The following TIA1 variants were observed in gnomAD, a reference collection of about 807,000 sequenced individuals.
TIA1 encodes the protein cytotoxic granule associated RNA binding protein TIA1.
A neutral mutation model predicts 65.9 loss-of-function variants in TIA1; 23 were observed. The ratio of observed to expected loss-of-function variants is 0.35; its 90% CI spans 0.25 to 0.49. TIA1 has a LOEUF of 0.49. Among genes scored for constraint, TIA1 ranks in the 20% least tolerant of loss-of-function variants. The probability of loss-of-function intolerance (pLI) is 0.98; values close to 1 mark genes in which losing one functional copy is unlikely to be tolerated. For synonymous variants in TIA1, 147 were observed against 149.4 expected, an observed-to-expected ratio of 0.98 and a Z score of 0.12; for missense variants, 371 against 477.9, an observed-to-expected ratio of 0.78 and a Z score of 2.09.
In TIA1 at chr2:70,248,409, T is replaced by A; in HGVS notation, c.22A>T (p.Thr8Ser). The change falls in exon 1 of 13, where the codon ACT (threonine) becomes TCT (serine). Residue 8 changes from threonine (T) to serine (S), a missense_variant. Physicochemically the swap from Thr to Ser is moderately conservative, Grantham distance 58 (BLOSUM62 1). Transcript: ENST00000433529. MEDEMPK[T>S]LYVGNLSRDV... is the part of the protein sequence containing the mutation. ...TCATCGCTGCCCCAGACTCACAGAG[T>A]CTTGGGCATCTCGTCCTCCATGGCT... 1 of 1,600,022 alleles carries A rather than the reference T, an allele frequency of 6.2e-7. No homozygotes were observed. The highest frequency in any genetic ancestry group is 1.3e-5 in the African/African-American group (1 of 74,876).
chr2:70,221,775 G>A (rs1681489394), intron 7 of TIA1, among the ~76,000 whole-genome samples: 1 of 150,670 alleles, frequency 6.6e-6, no homozygotes, highest in South Asian at 2.1e-4. Flanking sequence ...AGAAACCACT[G>A]AATTGTATAC....
At chr2:70,233,144 AT>A (rs11441220) in intron 2 of TIA1, among the ~76,000 whole-genome samples, 3 of 151,686 alleles carry the variant, frequency 2.0e-5, no homozygotes, top group East Asian at 1.9e-4. Flanking sequence ...CAGTTAATTA[AT>A]TTTTTTTTAG....
chr2:70,215,111 A>G (rs973304556), intron 11 of TIA1: 2 of 395,606 alleles, frequency 5.1e-6, no homozygotes, highest in Admixed American at 4.4e-5. Context: ...AAGTATTAAA[A>G]AAAGATGTAA....
At position 70,212,842 on chromosome 2, in the gene TIA1, C is replaced by T. The variant is rs1676848601; in HGVS notation, c.1038G>A (p.Gln346=). 2 of 1,612,004 alleles carry T rather than the reference C, an allele frequency of 1.2e-6. No homozygotes were observed. Among genetic ancestry groups the T allele is most frequent in the South Asian group, 2.2e-5 (2 of 91,014 alleles). The change falls in exon 13 of 13, where the codon CAG becomes CAA. Residue 346 remains glutamine (Q), a synonymous_variant. Transcript: ENST00000433529. The part of the protein sequence containing the change: ...GQAWNQQGFN[Q]TQSSAPWMGP... Reference sequence around the variant, plus strand: ...CCATCCATGGTGCAGAAGACTGTGTCTGACTGGTGGAGAATGTGAAAGAAG... The same window carrying T: ...CCATCCATGGTGCAGAAGACTGTGTTTGACTGGTGGAGAATGTGAAAGAAG...
At position 70,209,835 on chromosome 2, in the gene TIA1, A is replaced by G. The variant is rs1676044486; in HGVS notation, c.*2884T>C. ...AACTGTAACCTCAGGACCACTGTAC[A>G]GCACTTAGTAAACCTGTCTTTGTAC... On this transcript the variant is annotated 3_prime_UTR_variant, in exon 13 of 13. Coordinates refer to ENST00000433529, the MANE Select transcript of TIA1 (RefSeq NM_022173.4). The G allele has an allele frequency of 2.5e-6, 1 of 397,384 alleles. No individual in the cohort carries two copies. The highest frequency in any genetic ancestry group is 4.4e-6 in the Non-Finnish European group (1 of 225,766). The allele number at this position is 397,384 out of a possible 1,614,324, so 24.6% of individuals were successfully genotyped here.
intron 1 of TIA1, among the ~76,000 whole-genome samples, chr2:70,241,348 A>C (rs1691617011): frequency 6.6e-6 from 1 of 151,360 alleles, no homozygotes; most frequent in Admixed American, 6.6e-5. Flanking sequence ...AGGCCGAGGC[A>C]GGAGAATCGC....
chr2:70,222,554 C>A (rs1305384501), intron 7 of TIA1, among the ~76,000 whole-genome samples: 1 of 152,092 alleles, frequency 6.6e-6, no homozygotes. Context: ...CAGAGCCAAG[C>A]ACGTATCACA....
chr2:70,214,271 T>C (rs763813728), intron 12 of TIA1, 78 bp downstream of exon 12: 132 of 1,500,530 alleles, frequency 8.8e-5, no homozygotes, highest in Non-Finnish European at 1.1e-4. Context: ...TACCCACTAA[T>C]TCTTAAAATT....
intron 2 of TIA1, among the ~76,000 whole-genome samples, chr2:70,234,915 G>T (rs1391022426): frequency 6.6e-6 from 1 of 152,018 alleles, no homozygotes; most frequent in Admixed American, 6.6e-5. Context: ...AATACAACAG[G>T]AAAGAAGGTA....
At chr2:70,224,966 T>A in intron 6 of TIA1, 1 of 1,045,028 alleles carries the variant, frequency 9.6e-7, no homozygotes, top group Non-Finnish European at 1.2e-6. Flanking sequence ...GGACATTAGA[T>A]GAATGGCTTT....
chr2:70,230,987 T>C, intron 2 of TIA1, 133 bp from the exon 3 acceptor site: 1 of 603,606 alleles, frequency 1.7e-6, no homozygotes, highest in Non-Finnish European at 2.9e-6. Flanking sequence ...AATGGTCTAT[T>C]CCACAAGTAA....
chr2:70,242,958 G>A (rs1300440874), intron 1 of TIA1, among the ~76,000 whole-genome samples: 2 of 152,112 alleles, frequency 1.3e-5, no homozygotes, highest in South Asian at 2.1e-4. Flanking sequence ...CTAGAACACT[G>A]CCTGGAACAT....
At chr2:70,233,749 G>C (rs1393536918) in intron 2 of TIA1, among the ~76,000 whole-genome samples, 2 of 149,994 alleles carry the variant, frequency 1.3e-5, no homozygotes, top group African/African-American at 2.4e-5. Context: ...CTGGGCAACA[G>C]AGTGAGACTC....
intron 12 of TIA1, 52 bp from the exon 13 acceptor site, chr2:70,212,897 ATAAAG>A (rs765281803): frequency 4.0e-6 from 5 of 1,254,014 alleles, no homozygotes; most frequent in Non-Finnish European, 4.7e-6. Context: ...ACTGATTAAA[ATAAAG>A]TATTGGCAAG....
chr2:70,231,528 ATAATT>A (rs923614387), intron 2 of TIA1, among the ~76,000 whole-genome samples: 1 of 152,188 alleles, frequency 6.6e-6, no homozygotes, highest in African/African-American at 2.4e-5. Flanking sequence ...CTATAGTACT[ATAATT>A]TAATATTAAT....
intron 2 of TIA1, among the ~76,000 whole-genome samples, chr2:70,232,762 G>C (rs185509407): frequency 2.0e-5 from 3 of 151,514 alleles, no homozygotes; most frequent in Non-Finnish European, 4.4e-5. Context: ...CCATCTACTC[G>C]GGAGGCTGAG....
chr2:70,222,658 G>C (rs980032866), intron 7 of TIA1, among the ~76,000 whole-genome samples: 1 of 152,238 alleles, frequency 6.6e-6, no homozygotes, highest in South Asian at 2.1e-4. Flanking sequence ...GCTCACGCCT[G>C]TAATCCCAGC....
intron 7 of TIA1, among the ~76,000 whole-genome samples, chr2:70,218,384 G>A (rs113074059): frequency 7.3e-4 from 111 of 152,330 alleles, no homozygotes; most frequent in African/African-American, 2.7e-3. Flanking sequence ...GTCAGAGAAT[G>A]AAACTGAAAG....
At chr2:70,237,826 A>C (rs956943037) in intron 1 of TIA1, among the ~76,000 whole-genome samples, 2 of 151,666 alleles carry the variant, frequency 1.3e-5, no homozygotes, top group Non-Finnish European at 2.9e-5. Context: ...CGATCACGCC[A>C]CTGCACTCCA....
Sources: gnomAD v4.1 joint callset for allele counts (sites outside exome capture counted in the v4.1 genomes callset) on GRCh38, gnomAD v4.1.1 for gene constraint, MANE v1.5 for transcripts, NCBI Gene and HGNC (gene_info 2026-07-23, HGNC 2026-07-21) for gene names.